Variants in FBXL17 observed in about 807,000 individuals in gnomAD.
FBXL17 encodes F-box and leucine rich repeat protein 17.
FBXL17 carries 22 observed loss-of-function variants against 66.2 expected under a neutral mutation model. That is an observed-to-expected ratio of 0.33 (90% CI 0.24 to 0.47). The LOEUF (loss-of-function observed/expected upper bound fraction) is 0.47. FBXL17 is among the 20% of genes least tolerant of loss of function. The pLI is 1.00. For missense variants in FBXL17, 878 were observed against 948.2 expected (o/e 0.93, Z 0.97); for synonymous variants, 474 against 400.5 (o/e 1.18, Z -2.19).
chr5:108,256,663 A>T (rs1308169060), intron 4 of FBXL17, among the ~76,000 whole-genome samples: 1 of 152,092 alleles, frequency 6.6e-6, no homozygotes, highest in African/African-American at 2.4e-5. Flanking sequence ...GACCCAACAT[A>T]TACACAATCT....
chr5:107,951,003 G>A (rs886438488), intron 7 of FBXL17, among the ~76,000 whole-genome samples: 6 of 152,136 alleles, frequency 3.9e-5, no homozygotes, highest in African/African-American at 9.7e-5. Context: ...GCATCTGGAC[G>A]ATGGCCTGCC....
intron 5 of FBXL17, among the ~76,000 whole-genome samples, chr5:108,209,371 C>T (rs1315524038): frequency 6.6e-6 from 1 of 152,182 alleles, no homozygotes; most frequent in African/African-American, 2.4e-5. Flanking sequence ...TGAGAGAGGG[C>T]ATCCTTGTCT....
chr5:108,329,768 A>G (rs1036445931), intron 4 of FBXL17, among the ~76,000 whole-genome samples: 1 of 152,168 alleles, frequency 6.6e-6, no homozygotes, highest in African/African-American at 2.4e-5. Context: ...TTAGTAAAAT[A>G]AGTATTACAT....
chr5:107,882,195 C>T (rs1748814090), intron 7 of FBXL17, among the ~76,000 whole-genome samples: 1 of 152,128 alleles, frequency 6.6e-6, no homozygotes, highest in Admixed American at 6.5e-5. Flanking sequence ...TCTAAGATAG[C>T]ATAAGTTGAT....
intron 6 of FBXL17, among the ~76,000 whole-genome samples, chr5:108,159,373 A>C (rs1002337014): frequency 2.0e-5 from 3 of 152,216 alleles, no homozygotes; most frequent in Admixed American, 6.5e-5. Flanking sequence ...TACGGTGTGA[A>C]TGTCTGTGTC....
At chr5:108,198,258 C>T (rs761505861) in intron 5 of FBXL17, among the ~76,000 whole-genome samples, 12 of 152,166 alleles carry the variant, frequency 7.9e-5, no homozygotes, top group Middle Eastern at 3.4e-3. Flanking sequence ...AATTTTAAGT[C>T]GTTTTTATGA....
intron 5 of FBXL17, among the ~76,000 whole-genome samples, chr5:108,199,018 C>G (rs1456717919): frequency 6.6e-6 from 1 of 152,016 alleles, no homozygotes; most frequent in Non-Finnish European, 1.5e-5. Context: ...AAAGAAATGT[C>G]CAACTGTAAA....
intron 7 of FBXL17, among the ~76,000 whole-genome samples, chr5:107,974,910 AACTGACCTTGGAGTTGTAT>A (rs1752519897): frequency 6.6e-6 from 1 of 152,128 alleles, no homozygotes; most frequent in African/African-American, 2.4e-5. Context: ...GGAGTTAGTG[AACTGACCTTGGAGTTGTAT>A]AAACATACAA....
intron 7 of FBXL17, among the ~76,000 whole-genome samples, chr5:107,914,334 A>C (rs1750055134): frequency 6.6e-6 from 1 of 152,162 alleles, no homozygotes; most frequent in Non-Finnish European, 1.5e-5. Context: ...AAATACCCAA[A>C]TTATGAGTTC....
intron 7 of FBXL17, among the ~76,000 whole-genome samples, chr5:107,981,618 C>T (rs1752832458): frequency 6.6e-6 from 1 of 152,232 alleles, no homozygotes; most frequent in Non-Finnish European, 1.5e-5. Flanking sequence ...CTCCGTTCTG[C>T]CCAGAAGAAA....
At position 108,009,298 on chromosome 5, in the gene FBXL17, T is replaced by TAGATAGATAGATAGATAG. The variant is rs1475870219; in HGVS notation, c.1822+11626_1822+11627insCTATCTATCTATCTATCT. Among the ~76,000 whole-genome samples, 27 of 71,410 alleles carry TAGATAGATAGATAGATAG rather than the reference T, an allele frequency of 3.8e-4. 3 individuals carry two copies. Among genetic ancestry groups the TAGATAGATAGATAGATAG allele is most frequent in the African/African-American group, 1.3e-3 (19 of 14,458 alleles). The allele number at this position is 71,410 out of a possible 152,430, so 46.8% of individuals were successfully genotyped here. Reference sequence around the variant, plus strand: ...ATATATATATATATATATATATATATATACATATATACATACACATATAGT... The same window carrying TAGATAGATAGATAGATAG: ...ATATATATATATATATATATATATATAGATAGATAGATAGATAGATACATATATACATACACATATAGT... On this transcript the variant is annotated intron_variant, in intron 7 of 8. Coordinates refer to ENST00000542267, the MANE Select transcript of FBXL17 (RefSeq NM_001163315.3).
intron 5 of FBXL17, among the ~76,000 whole-genome samples, chr5:108,223,383 TATA>T (rs1754957459): frequency 6.6e-6 from 1 of 152,174 alleles, no homozygotes; most frequent in Admixed American, 6.5e-5. Context: ...GTTGCTCAGC[TATA>T]ATAAGTCGGA....
intron 4 of FBXL17, among the ~76,000 whole-genome samples, chr5:108,233,053 G>GT (rs1479202142): frequency 6.6e-6 from 1 of 151,580 alleles, no homozygotes; most frequent in African/African-American, 2.4e-5. Context: ...GAGTAGAACT[G>GT]GTGAGTCACA....
intron 7 of FBXL17, among the ~76,000 whole-genome samples, chr5:107,987,110 G>C (rs556013258): frequency 2.0e-5 from 3 of 151,956 alleles, no homozygotes; most frequent in Non-Finnish European, 4.4e-5. Context: ...CCTTTGAAAA[G>C]AGATAGGAAA....
chr5:108,051,426 G>C (rs556343552), intron 6 of FBXL17, among the ~76,000 whole-genome samples: 1 of 152,208 alleles, frequency 6.6e-6, no homozygotes, highest in African/African-American at 2.4e-5. Context: ...ATGCAAGGCT[G>C]GTTCAACATA....
intron 7 of FBXL17, among the ~76,000 whole-genome samples, chr5:107,944,912 A>G (rs1379674969): frequency 6.6e-6 from 1 of 152,114 alleles, no homozygotes; most frequent in Admixed American, 6.6e-5. Flanking sequence ...AACAAAGCAA[A>G]AGATAACTTC....
chr5:107,990,917 T>C (rs1040703518), intron 7 of FBXL17, among the ~76,000 whole-genome samples: 7 of 152,100 alleles, frequency 4.6e-5, no homozygotes, highest in East Asian at 3.9e-4. Context: ...TTAATAACCA[T>C]CCAATTTTAT....
In FBXL17 at chr5:107,871,069, A is replaced by AAC. The variant is rs1554080839; in HGVS notation, c.1966-9210_1966-9209insGT. Among the ~76,000 whole-genome samples the AAC allele has an allele frequency of 8.4e-5, 11 of 130,236 alleles. No homozygotes were observed. In the South Asian group the frequency reaches 2.3e-3, roughly 27 times the overall value. 85.4% of individuals were successfully genotyped at this position (130,236 alleles called of 152,430 possible). A position where few individuals can be genotyped will look rare whatever the true frequency, so the allele number is the denominator to read the frequency against. ...TACTCTTGGGCGGCAAAAAAAAAAA[A>AAC]AAAAAAAAAACCTCATCTAAAAATC... On this transcript the variant is annotated intron_variant, in intron 8 of 8. Transcript: ENST00000542267.
At chr5:107,881,248 T>C in intron 7 of FBXL17, 69 bp from the exon 8 acceptor site, 1 of 844,348 alleles carries the variant, frequency 1.2e-6, no homozygotes, top group Non-Finnish European at 1.8e-6. Flanking sequence ...ATTATGACTA[T>C]TCATCTCATT....
Sources: gnomAD v4.1 joint callset for allele counts (sites outside exome capture counted in the v4.1 genomes callset) on GRCh38, gnomAD v4.1.1 for gene constraint, MANE v1.5 for transcripts, NCBI Gene and HGNC (gene_info 2026-07-23, HGNC 2026-07-21) for gene names.